Variants in STARD13 observed in about 807,000 individuals in gnomAD.
The protein encoded by STARD13 is stAR-related lipid transfer protein 13.
Under a neutral mutation model 106.4 loss-of-function variants are expected in STARD13, and 62 were observed. That is an observed-to-expected ratio of 0.58 (90% confidence interval 0.48 to 0.72). The LOEUF (loss-of-function observed/expected upper bound fraction) is 0.72. Ranked by LOEUF, STARD13 falls within the 30% of genes least tolerant of loss-of-function variation. The pLI, the probability that STARD13 is intolerant of heterozygous loss-of-function variation, is 0.00. For synonymous variants in STARD13, 565 were observed against 553.0 expected (o/e 1.02, Z -0.31); for missense variants, 1,387 against 1,424.0 (o/e 0.97, Z 0.42).
At chr13:33,497,520 C>T in the STARD13 span, among the ~76,000 whole-genome samples, 1 of 152,116 alleles carries the variant, frequency 6.6e-6, no homozygotes, top group Admixed American at 6.6e-5. Context: ...AGTTCTAAAT[C>T]ACAGCTAAAT....
chr13:33,327,345 T>C (rs2077787832), intron 1 of STARD13, among the ~76,000 whole-genome samples: 1 of 152,330 alleles, frequency 6.6e-6, no homozygotes, highest in East Asian at 1.9e-4. Context: ...TTATATTTGG[T>C]AATTTTTATT....
chr13:33,137,817 T>G (rs952121601), intron 4 of STARD13, among the ~76,000 whole-genome samples: 1 of 152,080 alleles, frequency 6.6e-6, no homozygotes, highest in African/African-American at 2.4e-5. Flanking sequence ...CTGTTAATAC[T>G]CTCCAGCCAA....
the STARD13 span, among the ~76,000 whole-genome samples, chr13:33,363,882 A>T: frequency 6.6e-6 from 1 of 152,224 alleles, no homozygotes; most frequent in African/African-American, 2.4e-5. Context: ...AGAGTGGGCT[A>T]GAGAAGCTAG....
At chr13:33,281,996 T>C (rs1891810128) in intron 1 of STARD13, among the ~76,000 whole-genome samples, 1 of 152,138 alleles carries the variant, frequency 6.6e-6, no homozygotes, top group Non-Finnish European at 1.5e-5. Context: ...ATGTATTGTG[T>C]ATTTTACCAC....
chr13:33,612,193 C>G, the STARD13 span, among the ~76,000 whole-genome samples: 2 of 152,302 alleles, frequency 1.3e-5, no homozygotes, highest in East Asian at 3.9e-4. Flanking sequence ...ATAGACAGCC[C>G]TCTTCTTCCA....
rs538649468 is a variant in STARD13, at chr13:33,112,569, A to G, written c.2492+152T>C. 26 of 639,830 alleles carry G rather than the reference A, an allele frequency of 4.1e-5. No individual in the cohort carries two copies. In the East Asian group the frequency reaches 6.0e-4, roughly 15 times the overall value. The allele number at this position is 639,830 out of a possible 1,614,324, so 39.6% of individuals were successfully genotyped here. A position where few individuals can be genotyped will look rare whatever the true frequency, so the allele number is the denominator to read the frequency against. Reference sequence around the variant, plus strand: ...CTATCTATCAATCTATCATCTACCTATCGTTGATCTATCTACCTACCTATC... The same window carrying G: ...CTATCTATCAATCTATCATCTACCTGTCGTTGATCTATCTACCTACCTATC... On this transcript the variant is annotated intron_variant, in intron 9 of 13. Coordinates refer to ENST00000336934, the MANE Select transcript of STARD13 (RefSeq NM_178006.4).
At chr13:33,457,627 C>G in the STARD13 span, among the ~76,000 whole-genome samples, 2 of 152,164 alleles carry the variant, frequency 1.3e-5, no homozygotes, top group Non-Finnish European at 2.9e-5. Context: ...TCTCACAGTC[C>G]GGGAGGCTGG....
At chr13:33,382,434 TCTTC>T in the STARD13 span, among the ~76,000 whole-genome samples, 1 of 152,272 alleles carries the variant, frequency 6.6e-6, no homozygotes, top group African/African-American at 2.4e-5. Flanking sequence ...GCCATGTATC[TCTTC>T]CTACTTAGCA....
At chr13:33,517,256 C>T in the STARD13 span, among the ~76,000 whole-genome samples, 7 of 152,148 alleles carry the variant, frequency 4.6e-5, no homozygotes, top group South Asian at 2.1e-4. Context: ...TTAACATCAC[C>T]GCTGAACAGC....
the STARD13 span, among the ~76,000 whole-genome samples, chr13:33,371,815 A>G: frequency 2.6e-5 from 4 of 152,238 alleles, no homozygotes; most frequent in East Asian, 7.7e-4. Context: ...TTTCAATTCA[A>G]GGTTTTTATA....
chr13:33,349,853 C>T (rs369271630), intron 1 of STARD13, among the ~76,000 whole-genome samples: 1 of 152,338 alleles, frequency 6.6e-6, no homozygotes, highest in East Asian at 1.9e-4. Context: ...CTCTCCCTCC[C>T]GCGCATTCAG....
At chr13:33,422,466 A>G in the STARD13 span, among the ~76,000 whole-genome samples, 10 of 152,228 alleles carry the variant, frequency 6.6e-5, no homozygotes, top group Non-Finnish European at 1.2e-4. Context: ...ATGGAAGAAC[A>G]TTCCATGCTC....
At position 33,105,594 on chromosome 13, in the gene STARD13, CAG is replaced by C; in HGVS notation, c.3339_3340del (p.Ile1113MetfsTer41). The C allele has an allele frequency of 6.2e-7, 1 of 1,609,924 alleles. No individual in the cohort carries two copies. On this transcript the variant is annotated frameshift_variant and stop_lost, in exon 14 of 14. Coordinates refer to ENST00000336934, the MANE Select transcript of STARD13 (RefSeq NM_178006.4). LOFTEE classifies it high-confidence loss of function. ...GTTTGATGTCACACTGGGCAAAACT[CAG>C]ATTTTAGTTTCTGGGCCCTCAGCAA...
the STARD13 span, among the ~76,000 whole-genome samples, chr13:33,479,676 G>C: frequency 6.6e-6 from 1 of 152,166 alleles, no homozygotes; most frequent in Admixed American, 6.5e-5. Flanking sequence ...GTAATCCCCA[G>C]TGTTGGAGGT....
At chr13:33,150,855 A>C (rs1259824958) in intron 3 of STARD13, among the ~76,000 whole-genome samples, 1 of 152,226 alleles carries the variant, frequency 6.6e-6, no homozygotes, top group Non-Finnish European at 1.5e-5. Context: ...TGAGGTTCTA[A>C]TGGGAAAGTC....
upstream of STARD13, among the ~76,000 whole-genome samples, chr13:33,287,504 T>G (rs1892114386): frequency 6.6e-6 from 1 of 152,192 alleles, no homozygotes; most frequent in Non-Finnish European, 1.5e-5. Context: ...GCACTTTCCA[T>G]TCTTATTTAG....
At chr13:33,526,248 T>C in the STARD13 span, among the ~76,000 whole-genome samples, 8 of 152,118 alleles carry the variant, frequency 5.3e-5, no homozygotes, top group African/African-American at 1.2e-4. Flanking sequence ...TTCAATTCTA[T>C]TGAATTTTGT....
At chr13:33,438,642 C>T in the STARD13 span, among the ~76,000 whole-genome samples, 7 of 152,174 alleles carry the variant, frequency 4.6e-5, no homozygotes, top group Non-Finnish European at 2.9e-5. Flanking sequence ...TGACAAAGTT[C>T]TAGCCAGTCA....
chr13:33,164,350 G>A (rs113072977), intron 3 of STARD13: 13 of 152,302 alleles, frequency 8.5e-5, no homozygotes, highest in African/African-American at 2.2e-4. Flanking sequence ...GATCGCTCCT[G>A]TCTTCATAAG....
Sources: allele counts gnomAD v4.1 joint callset (sites outside exome capture counted in the v4.1 genomes callset), GRCh38; gene constraint gnomAD v4.1.1; transcripts MANE v1.5; gene names NCBI Gene and HGNC (gene_info 2026-07-23, HGNC 2026-07-21).